Variants in DAAM2 observed in about 807,000 individuals in gnomAD.
DAAM2 encodes the protein disheveled-associated activator of morphogenesis 2.
DAAM2 carries 39 observed loss-of-function variants against 120.7 expected under a neutral mutation model. The observed-to-expected ratio is 0.32, with a 90% CI of 0.25 to 0.42. The LOEUF (loss-of-function observed/expected upper bound fraction) is 0.42, where lower values mean the gene tolerates loss of function less well. Among genes scored for constraint, DAAM2 ranks in the 10% least tolerant of loss-of-function variants. DAAM2 has a pLI of 1.00. For synonymous variants in DAAM2, 488 were observed against 524.9 expected (o/e 0.93, Z 0.96); for missense variants, 1,283 against 1,401.7 (o/e 0.92, Z 1.35).
intron 1 of DAAM2, among the ~76,000 whole-genome samples, chr6:39,804,061 G>A (rs1324303749): frequency 6.6e-6 from 1 of 152,202 alleles, no homozygotes; most frequent in African/African-American, 2.4e-5. Flanking sequence ...GTGGGGCTGT[G>A]TGGGTTATTT....
chr6:39,849,950 C>A (rs1018317419), intron 1 of DAAM2, among the ~76,000 whole-genome samples: 2 of 152,160 alleles, frequency 1.3e-5, no homozygotes, highest in African/African-American at 4.8e-5. Context: ...ATATAGGGAG[C>A]AATGTCCGCC....
At chr6:39,866,030 C>A (rs1462742892) in intron 5 of DAAM2, among the ~76,000 whole-genome samples, 2 of 152,210 alleles carry the variant, frequency 1.3e-5, no homozygotes, top group East Asian at 3.9e-4. Flanking sequence ...CCACCCTTCA[C>A]CCTTCCCCTG....
In DAAM2 at chr6:39,898,858, CCT is replaced by C; in HGVS notation, c.2619-16_2619-15del. ...GGAGTTGATGGTCCTCATTCCCTTC[CCT>C]CTGTGTCTCCTTACAGCCTAGCAGA... On this transcript the variant is annotated splice_polypyrimidine_tract_variant and intron_variant, in intron 21 of 24. Coordinates refer to ENST00000274867, the MANE Select transcript of DAAM2 (RefSeq NM_001201427.2). The C allele has an allele frequency of 6.2e-7, 1 of 1,607,498 alleles. No homozygotes were observed. Among genetic ancestry groups the C allele is most frequent in the East Asian group, 2.2e-5 (1 of 44,746 alleles).
Position 39,873,220 on chromosome 6 carries a change from T to G in DAAM2, c.1045-18T>G. 1 of 1,534,598 alleles carries G rather than the reference T, an allele frequency of 6.5e-7. No homozygotes were observed. Among genetic ancestry groups the G allele is most frequent in the Non-Finnish European group, 9.0e-7 (1 of 1,112,946 alleles). On this transcript the variant is annotated intron_variant, in intron 9 of 24. Coordinates refer to ENST00000274867, the MANE Select transcript of DAAM2 (RefSeq NM_001201427.2). ...TCTGCTGCCTACCCACTGATCACTGTGCCCTCTTCTCTCCCAGGTCCACAT... is the reference window on the plus strand; with the variant it reads ...TCTGCTGCCTACCCACTGATCACTGGGCCCTCTTCTCTCCCAGGTCCACAT...
In DAAM2 at chr6:39,879,272, T is replaced by A; in HGVS notation, c.1640T>A (p.Leu547Gln). 1 of 1,509,182 alleles carries A rather than the reference T, an allele frequency of 6.6e-7. No homozygotes were observed. Among genetic ancestry groups the A allele is most frequent in the Non-Finnish European group, 9.0e-7 (1 of 1,111,810 alleles). The allele number at this position is 1,509,182 out of a possible 1,614,324, so 93.5% of individuals were successfully genotyped here. A position where few individuals can be genotyped will look rare whatever the true frequency, so the allele number is the denominator to read the frequency against. ...TNDLPPPPPP[L>Q]PFACCPPPPP... The stretch of plus-strand genomic sequence containing the variant: ...GACCTGCCTCCACCCCCTCCTCCTC[T>A]GCCCTTTGCCTGTTGTCCCCCTCCC... Residue 547 changes from leucine (L) to glutamine (Q), a missense_variant, in exon 14 of 25, where the codon CTG becomes CAG. Leu to Gln is a moderately radical substitution (Grantham distance 113). Transcript: ENST00000274867.
intron 4 of DAAM2, among the ~76,000 whole-genome samples, chr6:39,864,763 G>A (rs539596423): frequency 4.6e-5 from 7 of 152,276 alleles, no homozygotes; most frequent in Non-Finnish European, 7.4e-5. Flanking sequence ...ACAAACTTGG[G>A]AAATAAACCG....
intron 1 of DAAM2, among the ~76,000 whole-genome samples, chr6:39,832,172 G>T (rs1289226075): frequency 6.6e-6 from 1 of 151,936 alleles, no homozygotes; most frequent in African/African-American, 2.4e-5. Context: ...TGAGGAAAGG[G>T]TAGAGGGGCC....
At chr6:39,806,043 A>C (rs1001641123) in intron 1 of DAAM2, among the ~76,000 whole-genome samples, 1 of 152,136 alleles carries the variant, frequency 6.6e-6, no homozygotes, top group Non-Finnish European at 1.5e-5. Flanking sequence ...TTTCCAAACT[A>C]GTTGATCTAT....
intron 11 of DAAM2, among the ~76,000 whole-genome samples, chr6:39,876,125 T>G (rs536570371): frequency 6.6e-6 from 1 of 152,348 alleles, no homozygotes; most frequent in East Asian, 1.9e-4. Flanking sequence ...TAAGGCCTTC[T>G]GGTTTACCAT....
In DAAM2 at chr6:39,871,491, C is replaced by A; in HGVS notation, c.978-15C>A. The A allele has an allele frequency of 6.5e-7, 1 of 1,549,442 alleles. No homozygotes were observed. The highest frequency in any genetic ancestry group is 1.4e-5 in the African/African-American group (1 of 73,114). ...GCTGTAATGTCTACTCTCTCTGTCT[C>A]CCCATTCTGTCTAGACATTTAGACT... On this transcript the variant is annotated splice_polypyrimidine_tract_variant and intron_variant, in intron 8 of 24. Coordinates refer to ENST00000274867, the MANE Select transcript of DAAM2 (RefSeq NM_001201427.2).
In DAAM2 at chr6:39,904,798, T is replaced by C. The variant is rs1355586537; in HGVS notation, c.*2761T>C. 5 of 454,122 alleles carry C rather than the reference T, an allele frequency of 1.1e-5. No homozygotes were observed. Among genetic ancestry groups the C allele is most frequent in the East Asian group, 6.9e-5 (1 of 14,396 alleles). 28.1% of individuals were successfully genotyped at this position (454,122 alleles called of 1,614,324 possible). ...AATGGACATAATCTACAGTGTCCTT[T>C]TTCACTTGCACCTTTTTTATAAGAA... On this transcript the variant is annotated 3_prime_UTR_variant, in exon 25 of 25. Coordinates refer to ENST00000274867, the MANE Select transcript of DAAM2 (RefSeq NM_001201427.2).
chr6:39,850,586 T>C (rs1438176224), intron 1 of DAAM2, among the ~76,000 whole-genome samples: 8 of 152,210 alleles, frequency 5.3e-5, no homozygotes, highest in Admixed American at 5.2e-4. Flanking sequence ...GAGACACTAC[T>C]GTCCTCAAAC....
intron 1 of DAAM2, among the ~76,000 whole-genome samples, chr6:39,829,729 GGATGCA>G (rs1344482731): frequency 2.6e-5 from 4 of 152,104 alleles, no homozygotes; most frequent in Non-Finnish European, 5.9e-5. Context: ...CTCATTCTAG[GGATGCA>G]GACTGAACCT....
At chr6:39,861,207 A>G (rs759972701) in intron 3 of DAAM2, 190 bp downstream of exon 3, 2 of 675,812 alleles carry the variant, frequency 3.0e-6, no homozygotes, top group Non-Finnish European at 5.4e-6. Flanking sequence ...TCAAAGAAAT[A>G]GGATTCTCTT....
intron 1 of DAAM2, among the ~76,000 whole-genome samples, chr6:39,842,428 T>C (rs1341909284): frequency 6.6e-6 from 1 of 152,078 alleles, no homozygotes; most frequent in East Asian, 1.9e-4. Flanking sequence ...GGTCAGGAGT[T>C]GGAGACCAGC....
intron 1 of DAAM2, among the ~76,000 whole-genome samples, chr6:39,839,623 G>C (rs987762779): frequency 6.6e-6 from 1 of 152,190 alleles, no homozygotes; most frequent in Non-Finnish European, 1.5e-5. Flanking sequence ...CTGGAGGTCA[G>C]CCAAGCTGGC....
chr6:39,837,010 C>T (rs1763126513), intron 1 of DAAM2, among the ~76,000 whole-genome samples: 1 of 152,182 alleles, frequency 6.6e-6, no homozygotes, highest in African/African-American at 2.4e-5. Context: ...AATATTAATG[C>T]CCACTCCCTC....
chr6:39,843,041 G>A (rs1208429627), intron 1 of DAAM2, among the ~76,000 whole-genome samples: 2 of 152,096 alleles, frequency 1.3e-5, no homozygotes, highest in African/African-American at 4.8e-5. Flanking sequence ...AATTGATAGG[G>A]TCAAGAATTC....
At chr6:39,834,745 C>G (rs184472211) in intron 1 of DAAM2, among the ~76,000 whole-genome samples, 14 of 152,292 alleles carry the variant, frequency 9.2e-5, no homozygotes, top group Non-Finnish European at 1.6e-4. Context: ...CATAATCACA[C>G]CACATGCATT....
Sources: allele counts gnomAD v4.1 joint callset (sites outside exome capture counted in the v4.1 genomes callset), GRCh38; gene constraint gnomAD v4.1.1; transcripts MANE v1.5; gene names NCBI Gene and HGNC (gene_info 2026-07-23, HGNC 2026-07-21).